Variants in PLXDC2 observed in about 807,000 individuals in gnomAD.
PLXDC2 encodes the protein plexin domain containing 2.
PLXDC2 carries 40 observed loss-of-function variants against 68.9 expected under a neutral mutation model. The observed-to-expected ratio is 0.58, with a 90% confidence interval of 0.45 to 0.76. The LOEUF is 0.76. Among genes scored for constraint, PLXDC2 ranks in the 30% least tolerant of loss-of-function variants. PLXDC2 has a pLI of 0.00. For synonymous variants in PLXDC2, 243 were observed against 234.2 expected (o/e 1.04, Z -0.34); for missense variants, 644 against 661.9 (o/e 0.97, Z 0.30).
chr10:20,083,123 C>T (rs7101328), intron 4 of PLXDC2, among the ~76,000 whole-genome samples: 31,390 of 151,914 alleles, frequency 0.21, 3,924 homozygotes, highest in African/African-American at 0.35. Context: ...TGACAGATGG[C>T]TGGAGATCAG....
At chr10:19,911,757 A>G (rs1260816947) in intron 1 of PLXDC2, among the ~76,000 whole-genome samples, 1 of 152,226 alleles carries the variant, frequency 6.6e-6, no homozygotes, top group Non-Finnish European at 1.5e-5. Context: ...CAAGACACAT[A>G]CAGTCTTTTC....
chr10:20,033,573 C>T (rs34498093), intron 2 of PLXDC2, among the ~76,000 whole-genome samples: 27,883 of 151,976 alleles, frequency 0.18, 3,158 homozygotes, highest in South Asian at 0.29. Context: ...CGGCAGAAGG[C>T]GAAGGAAGAG....
At chr10:20,238,221 T>C (rs1181845733) in intron 12 of PLXDC2, among the ~76,000 whole-genome samples, 1 of 150,908 alleles carries the variant, frequency 6.6e-6, no homozygotes, top group Non-Finnish European at 1.5e-5. Flanking sequence ...TCCTATCTTC[T>C]TTTTTTCTAC....
intron 12 of PLXDC2, among the ~76,000 whole-genome samples, chr10:20,243,555 A>G (rs1257127179): frequency 6.6e-6 from 1 of 152,210 alleles, no homozygotes; most frequent in African/African-American, 2.4e-5. Flanking sequence ...GGAGGTGGAA[A>G]GAATTAGGAG....
intron 13 of PLXDC2, among the ~76,000 whole-genome samples, chr10:20,264,294 A>G (rs947730919): frequency 1.3e-5 from 2 of 152,156 alleles, no homozygotes; most frequent in South Asian, 2.1e-4. Context: ...GAAGGAAACA[A>G]TAGACACTGG....
chr10:20,010,048 C>T (rs1259179190), intron 2 of PLXDC2, among the ~76,000 whole-genome samples: 1 of 152,098 alleles, frequency 6.6e-6, no homozygotes, highest in African/African-American at 2.4e-5. Flanking sequence ...TCTACTCATT[C>T]ATTTAAATTA....
intron 4 of PLXDC2, among the ~76,000 whole-genome samples, chr10:20,135,384 A>C (rs1385660478): frequency 1.3e-5 from 2 of 152,180 alleles, no homozygotes; most frequent in Non-Finnish European, 2.9e-5. Flanking sequence ...AATCCGAAGC[A>C]TTTAGGGAGG....
intron 1 of PLXDC2, among the ~76,000 whole-genome samples, chr10:19,968,123 C>G (rs1340054210): frequency 2.0e-5 from 3 of 152,170 alleles, no homozygotes; most frequent in African/African-American, 7.2e-5. Flanking sequence ...TACAAGTAAA[C>G]AGGTCTCCAC....
chr10:20,243,506 T>C (rs939900924), intron 12 of PLXDC2, among the ~76,000 whole-genome samples: 2 of 152,138 alleles, frequency 1.3e-5, no homozygotes, highest in Admixed American at 1.3e-4. Context: ...ACAATGGTTC[T>C]CAAGCAAAGA....
intron 3 of PLXDC2, among the ~76,000 whole-genome samples, chr10:20,057,829 C>T (rs945817714): frequency 4.6e-5 from 7 of 151,896 alleles, no homozygotes; most frequent in East Asian, 1.9e-4. Context: ...GAGCAACTCT[C>T]GGACGCTGTG....
At chr10:20,052,753 AAAAAG>A (rs1835927345) in intron 3 of PLXDC2, among the ~76,000 whole-genome samples, 1 of 151,718 alleles carries the variant, frequency 6.6e-6, no homozygotes, top group Non-Finnish European at 1.5e-5. Context: ...AAAGAAAGAA[AAAAAG>A]AAAAGAAAGA....
intron 9 of PLXDC2, among the ~76,000 whole-genome samples, chr10:20,180,710 T>C (rs1044555342): frequency 2.0e-5 from 3 of 152,074 alleles, no homozygotes; most frequent in Non-Finnish European, 4.4e-5. Flanking sequence ...TTAATTTCCA[T>C]TTTTCAAGGA....
intron 10 of PLXDC2, among the ~76,000 whole-genome samples, chr10:20,212,512 A>G (rs749958641): frequency 4.6e-5 from 7 of 151,896 alleles, no homozygotes; most frequent in Non-Finnish European, 8.8e-5. Flanking sequence ...TTATGAAGAA[A>G]AGCATTTACT....
chr10:19,923,900 C>CA (rs1833500068), intron 1 of PLXDC2, among the ~76,000 whole-genome samples: 1 of 151,944 alleles, frequency 6.6e-6, no homozygotes, highest in African/African-American at 2.4e-5. Flanking sequence ...CCTGTGGCTA[C>CA]AAAAAAATAC....
At chr10:20,206,511 A>G (rs1834994592) in intron 9 of PLXDC2, among the ~76,000 whole-genome samples, 1 of 152,012 alleles carries the variant, frequency 6.6e-6, no homozygotes, top group African/African-American at 2.4e-5. Context: ...GTCATGAAAG[A>G]GCACAGCACC....
intron 12 of PLXDC2, among the ~76,000 whole-genome samples, chr10:20,243,635 A>G (rs1330053090): frequency 6.6e-6 from 1 of 152,216 alleles, no homozygotes; most frequent in South Asian, 2.1e-4. Context: ...AGACATCCAT[A>G]TTTGGTTTTT....
intron 13 of PLXDC2, among the ~76,000 whole-genome samples, chr10:20,256,493 A>G (rs1835744025): frequency 7.4e-6 from 1 of 134,326 alleles, no homozygotes; most frequent in Non-Finnish European, 1.7e-5. Flanking sequence ...CAGCCTTTGA[A>G]GGAGAAATGA....
intron 11 of PLXDC2, among the ~76,000 whole-genome samples, chr10:20,218,767 G>C (rs1387741285): frequency 6.6e-6 from 1 of 152,080 alleles, no homozygotes; most frequent in East Asian, 1.9e-4. Flanking sequence ...TGATTTTAGA[G>C]AATTAAAAAT....
At chr10:20,029,947 C>T (rs1564662393) in intron 2 of PLXDC2, among the ~76,000 whole-genome samples, 1 of 152,058 alleles carries the variant, frequency 6.6e-6, no homozygotes, top group Non-Finnish European at 1.5e-5. Flanking sequence ...AAGATGTGAT[C>T]CTAGAAGAAT....
Sources: allele counts gnomAD v4.1 joint callset (sites outside exome capture counted in the v4.1 genomes callset), GRCh38; gene constraint gnomAD v4.1.1; transcripts MANE v1.5; gene names NCBI Gene and HGNC (gene_info 2026-07-23, HGNC 2026-07-21).